CSMD3: variants seen among roughly 807,000 people sequenced by gnomAD.
CSMD3 encodes CUB and Sushi multiple domains 3, also known as CUB and sushi domain-containing protein 3.
Under a neutral mutation model 435.2 loss-of-function variants are expected in CSMD3, and 177 were observed. The observed-to-expected ratio is 0.41, with a 90% CI of 0.36 to 0.46. CSMD3 has a LOEUF of 0.46. CSMD3 is among the 20% of genes least tolerant of loss of function. CSMD3 has a pLI of 0.34. For synonymous variants in CSMD3, 1,656 were observed against 1,520.5 expected, an observed-to-expected ratio of 1.09 and a Z score of -2.07; for missense variants, 4,265 against 4,504.6, an observed-to-expected ratio of 0.95 and a Z score of 1.52.
At chr8:112,575,989 C>A (rs1829909291) in intron 23 of CSMD3, among the ~76,000 whole-genome samples, 1 of 152,000 alleles carries the variant, frequency 6.6e-6, no homozygotes, top group Non-Finnish European at 1.5e-5. Context: ...ATAATATTTT[C>A]CTTGTGTTCC....
intron 4 of CSMD3, among the ~76,000 whole-genome samples, chr8:113,101,413 G>T (rs936047566): frequency 2.0e-5 from 3 of 151,998 alleles, no homozygotes; most frequent in South Asian, 2.1e-4. Context: ...CTTTCAAAAT[G>T]CAGTCCTTTG....
intron 3 of CSMD3, among the ~76,000 whole-genome samples, chr8:113,276,232 A>G (rs1048999459): frequency 3.6e-4 from 54 of 152,110 alleles, no homozygotes; most frequent in Non-Finnish European, 4.0e-4. Flanking sequence ...TGAAGATATG[A>G]TTAAGGTTAA....
At chr8:113,132,518 G>A (rs58183305) in intron 4 of CSMD3, among the ~76,000 whole-genome samples, 2,209 of 152,064 alleles carry the variant, frequency 0.015, 56 homozygotes, top group African/African-American at 0.051. Context: ...GCTCCACCAC[G>A]CTAAGATGTA....
chr8:112,327,933 C>T (rs1202807806), intron 45 of CSMD3, among the ~76,000 whole-genome samples: 4 of 152,268 alleles, frequency 2.6e-5, no homozygotes, highest in South Asian at 4.1e-4. Flanking sequence ...GAAAATAATG[C>T]TGCATGTATC....
chr8:113,047,628 T>C (rs2087891967), intron 5 of CSMD3, among the ~76,000 whole-genome samples: 1 of 152,230 alleles, frequency 6.6e-6, no homozygotes, highest in African/African-American at 2.4e-5. Flanking sequence ...AAAAGAAAGA[T>C]GCAAGTATCT....
intron 35 of CSMD3, 31 bp downstream of exon 35, chr8:112,406,493 A>T (rs1831872602): frequency 6.9e-7 from 1 of 1,439,740 alleles, no homozygotes; most frequent in Non-Finnish European, 9.7e-7. Context: ...AACTATGTAT[A>T]ATCACAGATC....
intron 13 of CSMD3, among the ~76,000 whole-genome samples, chr8:112,777,557 A>G (rs1003202268): frequency 1.3e-5 from 2 of 151,820 alleles, no homozygotes; most frequent in African/African-American, 4.8e-5. Flanking sequence ...TTGAGTTTCT[A>G]TTGTTCCTCA....
intron 38 of CSMD3, among the ~76,000 whole-genome samples, chr8:112,367,416 T>G (rs1022736076): frequency 6.6e-6 from 1 of 152,150 alleles, no homozygotes; most frequent in Non-Finnish European, 1.5e-5. Flanking sequence ...TCTAGGGAGT[T>G]GAAAGGCCAG....
At chr8:113,240,877 G>A (rs1170628284) in intron 3 of CSMD3, among the ~76,000 whole-genome samples, 1 of 152,082 alleles carries the variant, frequency 6.6e-6, no homozygotes, top group Non-Finnish European at 1.5e-5. Context: ...TTTGGGATTA[G>A]TTTCTCTCTT....
chr8:112,288,942 G>A (rs570476685), intron 57 of CSMD3, among the ~76,000 whole-genome samples: 6 of 152,038 alleles, frequency 3.9e-5, no homozygotes, highest in African/African-American at 1.4e-4. Flanking sequence ...GTAATCAATT[G>A]CTTAGAAAGT....
chr8:112,740,945 T>C (rs1415856945), intron 13 of CSMD3, among the ~76,000 whole-genome samples: 1 of 151,966 alleles, frequency 6.6e-6, no homozygotes, highest in Non-Finnish European at 1.5e-5. Context: ...AGATTTAGAA[T>C]AGTCAAAGGA....
intron 22 of CSMD3, among the ~76,000 whole-genome samples, chr8:112,632,654 A>T (rs1338619096): frequency 6.6e-6 from 1 of 152,072 alleles, no homozygotes; most frequent in Non-Finnish European, 1.5e-5. Context: ...GAGTGAAGAC[A>T]TGCAAGTTTT....
chr8:112,539,895 GA>G (rs1826498043), intron 27 of CSMD3, among the ~76,000 whole-genome samples: 1 of 151,836 alleles, frequency 6.6e-6, no homozygotes. Context: ...AAAACTAAAC[GA>G]ATGTGATTAT....
intron 6 of CSMD3, among the ~76,000 whole-genome samples, chr8:112,989,605 T>C (rs1263362519): frequency 1.3e-5 from 2 of 151,964 alleles, no homozygotes; most frequent in Admixed American, 6.6e-5. Context: ...TTAAATATGG[T>C]CACATATTCT....
chr8:112,597,094 G>T (rs1256749395), intron 22 of CSMD3, among the ~76,000 whole-genome samples: 3 of 151,884 alleles, frequency 2.0e-5, no homozygotes, highest in African/African-American at 7.3e-5. Context: ...TTTTTGAAAG[G>T]ATCAACAAAA....
At chr8:112,647,766 C>T (rs1429199185) in intron 19 of CSMD3, among the ~76,000 whole-genome samples, 1 of 152,104 alleles carries the variant, frequency 6.6e-6, no homozygotes, top group Non-Finnish European at 1.5e-5. Context: ...TTTCATCAAC[C>T]TAATGACATT....
intron 3 of CSMD3, among the ~76,000 whole-genome samples, chr8:113,265,490 G>T (rs2093462321): frequency 6.6e-6 from 1 of 151,498 alleles, no homozygotes; most frequent in Admixed American, 6.6e-5. Context: ...TAAAATGGGG[G>T]TGATAAAATA....
chr8:112,732,096 C>A (rs1190558365), intron 13 of CSMD3, among the ~76,000 whole-genome samples: 2 of 151,580 alleles, frequency 1.3e-5, no homozygotes, highest in Non-Finnish European at 2.9e-5. Context: ...GGAGTGATGA[C>A]AATAGCAGAA....
At chr8:112,884,932 C>T (rs943156055) in intron 10 of CSMD3, among the ~76,000 whole-genome samples, 2 of 151,630 alleles carry the variant, frequency 1.3e-5, no homozygotes, top group South Asian at 2.1e-4. Flanking sequence ...TTATCTAATT[C>T]CTACAAGTAT....
Sources: allele counts gnomAD v4.1 joint callset (sites outside exome capture counted in the v4.1 genomes callset), GRCh38; gene constraint gnomAD v4.1.1; transcripts MANE v1.5; gene names NCBI Gene and HGNC (gene_info 2026-07-23, HGNC 2026-07-21).